Variants in NRG1 observed in about 807,000 individuals in gnomAD.
NRG1 encodes the protein pro-neuregulin-1, membrane-bound isoform.
In NRG1, 18 loss-of-function variants were observed where a neutral mutation model predicts 63.8. The ratio of observed to expected loss-of-function variants is 0.28; its 90% CI spans 0.19 to 0.42. The LOEUF (loss-of-function observed/expected upper bound fraction) is 0.42. NRG1 is among the 10% of genes least tolerant of loss of function. The pLI is 1.00. For missense variants in NRG1, 762 were observed against 814.7 expected, an observed-to-expected ratio of 0.94 and a Z score of 0.79; for synonymous variants, 302 against 301.3, an observed-to-expected ratio of 1.00 and a Z score of -0.02.
intron 5 of NRG1, among the ~76,000 whole-genome samples, chr8:32,668,548 T>C (rs1222402347): frequency 6.6e-6 from 1 of 152,326 alleles, no homozygotes; most frequent in Middle Eastern, 3.4e-3. Flanking sequence ...CACAGCTGTC[T>C]CACCCAGTAT....
chr8:31,922,356 A>C (rs575184179), intron 1 of NRG1, among the ~76,000 whole-genome samples: 1 of 152,176 alleles, frequency 6.6e-6, no homozygotes, highest in Non-Finnish European at 1.5e-5. Flanking sequence ...GGCTACCAAC[A>C]TGATGTCACT....
chr8:31,745,932 G>T (rs1014411590), intron 1 of NRG1, among the ~76,000 whole-genome samples: 2 of 151,852 alleles, frequency 1.3e-5, no homozygotes, highest in Non-Finnish European at 2.9e-5. Context: ...AAGTAATCAC[G>T]AGATTACCAC....
chr8:31,955,410 T>C (rs1804202579), intron 1 of NRG1, among the ~76,000 whole-genome samples: 1 of 152,164 alleles, frequency 6.6e-6, no homozygotes, highest in Non-Finnish European at 1.5e-5. Flanking sequence ...GAATGTACAG[T>C]TTCAGAATCT....
intron 1 of NRG1, among the ~76,000 whole-genome samples, chr8:32,541,467 G>T (rs1832564393): frequency 6.7e-6 from 1 of 149,000 alleles, no homozygotes; most frequent in South Asian, 2.1e-4. Flanking sequence ...AATCTGTTTT[G>T]GAAATGCTTT....
At chr8:31,927,661 G>A (rs185078388) in intron 1 of NRG1, among the ~76,000 whole-genome samples, 1,645 of 148,504 alleles carry the variant, frequency 0.011, 33 homozygotes, top group Non-Finnish European at 0.011. Context: ...TTTTAGCCGG[G>A]ATGGTCTCGA....
intron 5 of NRG1, among the ~76,000 whole-genome samples, chr8:32,727,307 T>G (rs536455037): frequency 6.6e-6 from 1 of 152,336 alleles, no homozygotes; most frequent in South Asian, 2.1e-4. Context: ...TTCCATTTCC[T>G]TAAAAGTATG....
At chr8:32,733,422 CTTTAAG>C (rs1204729575) in intron 6 of NRG1, among the ~76,000 whole-genome samples, 1 of 151,932 alleles carries the variant, frequency 6.6e-6, no homozygotes, top group Non-Finnish European at 1.5e-5. Context: ...AAATATAATA[CTTTAAG>C]TTTGATAGAT....
intron 1 of NRG1, among the ~76,000 whole-genome samples, chr8:32,569,840 C>T (rs1349743449): frequency 6.6e-6 from 1 of 151,044 alleles, no homozygotes; most frequent in African/African-American, 2.4e-5. Context: ...GTTTTCATCT[C>T]TAGTTTTCTT....
chr8:32,099,330 G>A (rs151007461), intron 1 of NRG1: 6 of 152,370 alleles, frequency 3.9e-5, no homozygotes, highest in African/African-American at 1.2e-4. Flanking sequence ...AGGCAGACTT[G>A]TAGCTTATCT....
At chr8:32,693,448 C>T (rs1393568697) in intron 5 of NRG1, among the ~76,000 whole-genome samples, 1 of 151,728 alleles carries the variant, frequency 6.6e-6, no homozygotes, top group Non-Finnish European at 1.5e-5. Context: ...GATCTCCTGA[C>T]CTTGTGATCC....
At chr8:32,287,808 T>C (rs1853717242) in intron 1 of NRG1, among the ~76,000 whole-genome samples, 1 of 152,200 alleles carries the variant, frequency 6.6e-6, no homozygotes, top group African/African-American at 2.4e-5. Flanking sequence ...TCCTTTTATG[T>C]GTTGCTTAAT....
intron 1 of NRG1, among the ~76,000 whole-genome samples, chr8:31,678,750 TAA>T (rs1808001828): frequency 6.8e-6 from 1 of 148,112 alleles, no homozygotes. Context: ...AAATTTATTT[TAA>T]GTTAAATAAT....
At chr8:32,279,324 A>C (rs753103275) in intron 1 of NRG1, among the ~76,000 whole-genome samples, 1 of 152,154 alleles carries the variant, frequency 6.6e-6, no homozygotes, top group South Asian at 2.1e-4. Flanking sequence ...TTTTACTGAC[A>C]AGGACACTGA....
At chr8:32,556,044 A>G (rs1296708320) in intron 1 of NRG1, among the ~76,000 whole-genome samples, 1 of 152,184 alleles carries the variant, frequency 6.6e-6, no homozygotes, top group Non-Finnish European at 1.5e-5. Context: ...GTGGAGTTTT[A>G]CTTTCAATGA....
In NRG1 at chr8:31,994,479, C is replaced by T. The variant is rs1811591947; in HGVS notation, c.37+355048C>T. ...ACCAGCCTGGGTAACATAATAAGATCCTGTCTCTACATAAAATTTAAAAAG... is the reference window on the plus strand; with the variant it reads ...ACCAGCCTGGGTAACATAATAAGATTCTGTCTCTACATAAAATTTAAAAAG... On this transcript the variant is annotated intron_variant, in intron 1 of 10. Transcript: ENST00000519301. 2.0e-5 allele frequency among the ~76,000 whole-genome samples: 3 copies of T among 151,484 alleles called. No homozygotes were observed. The South Asian group carries it at 6.3e-4, about 32-fold the overall frequency.
chr8:31,656,541 G>C (rs555478739), intron 1 of NRG1, among the ~76,000 whole-genome samples: 1 of 152,272 alleles, frequency 6.6e-6, no homozygotes, highest in Non-Finnish European at 1.5e-5. Flanking sequence ...GCACAAAGCT[G>C]TTTTAAATAC....
intron 5 of NRG1, among the ~76,000 whole-genome samples, chr8:32,700,969 G>C (rs1459830336): frequency 6.6e-6 from 1 of 152,018 alleles, no homozygotes; most frequent in Non-Finnish European, 1.5e-5. Context: ...CCTCTCCTCT[G>C]CATGTCTTAA....
intron 1 of NRG1, among the ~76,000 whole-genome samples, chr8:31,649,071 G>T (rs1804589729): frequency 1.3e-5 from 2 of 151,256 alleles, no homozygotes; most frequent in Non-Finnish European, 2.9e-5. Context: ...TGATTCTCCT[G>T]CCTCAGCCTC....
chr8:31,730,493 TA>T (rs1813918251), intron 1 of NRG1, among the ~76,000 whole-genome samples: 1 of 152,262 alleles, frequency 6.6e-6, no homozygotes, highest in East Asian at 1.9e-4. Flanking sequence ...ATTTGTTGTT[TA>T]AAAAATATGT....
Sources: allele counts gnomAD v4.1 joint callset (sites outside exome capture counted in the v4.1 genomes callset), GRCh38; gene constraint gnomAD v4.1.1; transcripts MANE v1.5; gene names NCBI Gene and HGNC (gene_info 2026-07-23, HGNC 2026-07-21).